GATA4: variants seen among roughly 807,000 people sequenced by gnomAD.
The protein encoded by GATA4 is GATA binding protein 4, also known as transcription factor GATA-4.
In GATA4, 7 loss-of-function variants were observed where a neutral mutation model predicts 37.9. The observed-to-expected ratio is 0.18, with a 90% CI of 0.11 to 0.35. GATA4 has a LOEUF of 0.35. Ranked by LOEUF, GATA4 falls within the 10% of genes least tolerant of loss-of-function variation. The pLI is 1.00. For synonymous variants in GATA4, 372 were observed against 292.6 expected, an observed-to-expected ratio of 1.27 and a Z score of -2.77; for missense variants, 647 against 653.0, an observed-to-expected ratio of 0.99 and a Z score of 0.10.
intron 2 of GATA4, among the ~76,000 whole-genome samples, chr8:11,718,494 CTG>C (rs1259732378): frequency 6.6e-6 from 1 of 152,170 alleles, no homozygotes; most frequent in Non-Finnish European, 1.5e-5. Flanking sequence ...TTGAGGCTGT[CTG>C]TAACCCACAT....
At chr8:11,693,131 T>TG (rs1279416674) in intron 1 of GATA4, 7 of 948,398 alleles carry the variant, frequency 7.4e-6, no homozygotes, top group Non-Finnish European at 8.8e-6. Flanking sequence ...GTTAACGATG[T>TG]GGTGTTCATT....
Position 11,708,881 on chromosome 8 carries a change from A to ACAGCCTGCC in GATA4, c.571_579dup (p.Ser191_Pro193dup). 1.3e-6 allele frequency: 2 copies of ACAGCCTGCC among 1,528,250 alleles called. No homozygotes were observed. Among genetic ancestry groups the ACAGCCTGCC allele is most frequent in the Admixed American group, 3.9e-5 (2 of 50,742 alleles). 94.7% of individuals were successfully genotyped at this position (1,528,250 alleles called of 1,614,324 possible). ...GGCCCCTTCGACAGCCCGGTCCTGC[A>ACAGCCTGCC]CAGCCTGCCCGGCCGGGCCAACCCG... On this transcript the variant is annotated inframe_insertion, in exon 2 of 7. Coordinates refer to ENST00000532059, the MANE Select transcript of GATA4 (RefSeq NM_001308093.3). This position sits in a 1 kb window ranked among gnomAD's most constrained non-coding sequence, Gnocchi z 6.7.
intron 2 of GATA4, among the ~76,000 whole-genome samples, chr8:11,718,484 T>A (rs552593603): frequency 6.6e-6 from 1 of 152,324 alleles, no homozygotes; most frequent in Non-Finnish European, 1.5e-5. Context: ...CAAGTAAAAT[T>A]TGAGGCTGTC....
chr8:11,680,391 C>A, intron 1 of GATA4: 2 of 785,520 alleles, frequency 2.5e-6, no homozygotes, highest in Non-Finnish European at 3.1e-6. Context: ...GGATTCATTG[C>A]CACTTTCCCG....
chr8:11,732,433 G>T (rs1289374193), intron 2 of GATA4, among the ~76,000 whole-genome samples: 1 of 152,182 alleles, frequency 6.6e-6, no homozygotes, highest in Non-Finnish European at 1.5e-5. Context: ...CTTTATATTT[G>T]ATTTGTAAAT....
intron 2 of GATA4, among the ~76,000 whole-genome samples, chr8:11,737,298 G>C (rs1349439616): frequency 6.6e-6 from 1 of 152,158 alleles, no homozygotes. Context: ...TCTCCCAGCT[G>C]GCTGCTGCTG....
chr8:11,699,628 G>A (rs1169547863), upstream of GATA4, among the ~76,000 whole-genome samples: 1 of 152,264 alleles, frequency 6.6e-6, no homozygotes, highest in African/African-American at 2.4e-5. Context: ...TGCGCCTCCA[G>A]CGCTGGCGCT....
At chr8:11,715,285 T>G (rs1800387873) in intron 2 of GATA4, among the ~76,000 whole-genome samples, 1 of 152,052 alleles carries the variant, frequency 6.6e-6, no homozygotes, top group Non-Finnish European at 1.5e-5. Context: ...AGCGGGTAGG[T>G]GAGGGATAAT....
At chr8:11,730,443 G>C (rs1037988527) in intron 2 of GATA4, among the ~76,000 whole-genome samples, 5 of 152,238 alleles carry the variant, frequency 3.3e-5, no homozygotes, top group African/African-American at 1.2e-4. Flanking sequence ...ATGTTTTAAT[G>C]ATTTTACTAA....
intron 5 of GATA4, chr8:11,756,457 G>A: frequency 4.3e-6 from 1 of 234,666 alleles, no homozygotes; most frequent in South Asian, 5.5e-5. Context: ...ACGATTCCCA[G>A]TCCAAAATTC....
At chr8:11,715,939 G>A (rs1800416430) in intron 2 of GATA4, among the ~76,000 whole-genome samples, 1 of 151,878 alleles carries the variant, frequency 6.6e-6, no homozygotes, top group African/African-American at 2.4e-5. Context: ...ACCACTCTAG[G>A]GACCTCACAC....
intron 2 of GATA4, among the ~76,000 whole-genome samples, chr8:11,726,265 G>A (rs1371989867): frequency 6.6e-6 from 1 of 152,216 alleles, no homozygotes; most frequent in Non-Finnish European, 1.5e-5. Context: ...CAGAAGCCCA[G>A]GGATGAGCCC....
At chr8:11,683,444 TAAG>T (rs774333501) in intron 1 of GATA4, among the ~76,000 whole-genome samples, 2 of 152,190 alleles carry the variant, frequency 1.3e-5, no homozygotes, top group African/African-American at 2.4e-5. Flanking sequence ...TTTTTTCTTT[TAAG>T]AAGTTCAATG....
At chr8:11,750,289 C>T (rs1216817290) in intron 4 of GATA4, 53 bp downstream of exon 4, 2 of 1,605,454 alleles carry the variant, frequency 1.2e-6, no homozygotes, top group Non-Finnish European at 1.7e-6. Context: ...GCCCATCTCT[C>T]AGTCCTCCCT....
chr8:11,752,995 A>C (rs1802374942), intron 4 of GATA4, among the ~76,000 whole-genome samples: 1 of 152,226 alleles, frequency 6.6e-6, no homozygotes, highest in South Asian at 2.1e-4. Context: ...TATTAAAAAG[A>C]TTATATTCTC....
chr8:11,723,366 TG>T (rs1437539720), intron 2 of GATA4, among the ~76,000 whole-genome samples: 1 of 151,938 alleles, frequency 6.6e-6, no homozygotes, highest in Non-Finnish European at 1.5e-5. Context: ...AAAAACCTCA[TG>T]GGTTTAAACA....
At chr8:11,757,707 G>T (rs1802670623) in intron 6 of GATA4, among the ~76,000 whole-genome samples, 1 of 152,196 alleles carries the variant, frequency 6.6e-6, no homozygotes. Flanking sequence ...GGACGCCCTG[G>T]GGCAGCCCAT....
At chr8:11,739,475 C>T (rs559215961) in intron 2 of GATA4, among the ~76,000 whole-genome samples, 1 of 147,460 alleles carries the variant, frequency 6.8e-6, no homozygotes, top group African/African-American at 2.6e-5. Flanking sequence ...TGTGATTTTC[C>T]ATATACATCC....
At position 11,679,453 on chromosome 8, in the gene GATA4, C is replaced by T. The variant is rs1302247406; in HGVS notation, c.-274+2390C>T. 2.0e-5 allele frequency among the ~76,000 whole-genome samples: 3 copies of T among 152,166 alleles called. No individual in the cohort carries two copies. The East Asian group carries it at 5.8e-4, about 29-fold the overall frequency. On this transcript the variant is annotated intron_variant, in intron 1 of 6. Transcript: ENST00000528712. The stretch of plus-strand genomic sequence containing the variant: ...CGAAGCCGATCTAAGGTCAATAAAC[C>T]AGGCGGCGTCAGGCTTGGGCCGAGG...
Sources: gnomAD v4.1 joint callset for allele counts (sites outside exome capture counted in the v4.1 genomes callset) on GRCh38, gnomAD v4.1.1 for gene constraint, Gnocchi (gnomAD v3.1) non-coding constraint, MANE v1.5 for transcripts, NCBI Gene and HGNC (gene_info 2026-07-23, HGNC 2026-07-21) for gene names.